Variants in PRR14 observed in about 807,000 individuals in gnomAD.
PRR14 encodes the protein proline rich 14.
PRR14 carries 33 observed loss-of-function variants against 57.2 expected under a neutral mutation model. That is an observed-to-expected ratio of 0.58 (90% CI 0.44 to 0.77). PRR14 has a LOEUF of 0.77. Ranked by LOEUF, PRR14 falls within the 30% of genes least tolerant of loss-of-function variation. PRR14 has a pLI of 0.00. For missense variants in PRR14, 716 were observed against 788.1 expected (o/e 0.91, Z 1.10); for synonymous variants, 303 against 314.7 (o/e 0.96, Z 0.39).
rs2052371455 is a variant in PRR14, at chr16:30,656,268, T to C, written c.1715T>C (p.Leu572Pro). Residue 572 changes from leucine (L) to proline (P), a missense_variant, in exon 12 of 12, where the codon CTG becomes CCG. Leu to Pro is a moderately conservative substitution (Grantham distance 98). Coordinates refer to ENST00000300835, the MANE Select transcript of PRR14 (RefSeq NM_024031.5). ...CTGGAGGAGCTAGATGCCTTGCTCCTGGAGGAAGAAACAGTAGATCGGGAG... is the reference window on the plus strand; with the variant it reads ...CTGGAGGAGCTAGATGCCTTGCTCCCGGAGGAAGAAACAGTAGATCGGGAG... ...QRLEELDALL[L>P]EEETVDREQP... 5.0e-6 allele frequency: 8 copies of C among 1,613,026 alleles called. No individual in the cohort carries two copies. The highest frequency in any genetic ancestry group is 6.8e-6 in the Non-Finnish European group (8 of 1,179,978).
At position 30,651,628 on chromosome 16, in the gene PRR14, G is replaced by A. The variant is rs1236298665; in HGVS notation, c.-18G>A. 8 of 1,256,670 alleles carry A rather than the reference G, an allele frequency of 6.4e-6. No homozygotes were observed. Among genetic ancestry groups the A allele is most frequent in the Non-Finnish European group, 6.2e-6 (6 of 962,898 alleles). 77.8% of individuals were successfully genotyped at this position (1,256,670 alleles called of 1,614,324 possible). Reference sequence around the variant, plus strand: ...CCTGGGATTCCCCAGGGACCCCCCCGGAGCCGCCGCGTCTCCCATGGACTT... The same window carrying A: ...CCTGGGATTCCCCAGGGACCCCCCCAGAGCCGCCGCGTCTCCCATGGACTT... On this transcript the variant is annotated 5_prime_UTR_variant, in exon 2 of 12. Coordinates refer to ENST00000300835, the MANE Select transcript of PRR14 (RefSeq NM_024031.5). This position sits in a 1 kb window ranked among gnomAD's most constrained non-coding sequence, Gnocchi z 5.0.
chr16:30,654,491 T>C, intron 7 of PRR14, 138 bp from the exon 8 acceptor site: 1 of 969,462 alleles, frequency 1.0e-6, no homozygotes, highest in Non-Finnish European at 1.6e-6. Flanking sequence ...TGTCAGAGGC[T>C]TGAAGTTCAA....
Position 30,655,489 on chromosome 16 carries a change from C to T in PRR14, c.1315-13C>T. ...CCCATGTCACTCTTTCACCCTCTGCCCCATTTTTGCAGACCATGGGAAAGG... is the reference window on the plus strand; with the variant it reads ...CCCATGTCACTCTTTCACCCTCTGCTCCATTTTTGCAGACCATGGGAAAGG... On this transcript the variant is annotated splice_polypyrimidine_tract_variant and intron_variant, in intron 9 of 11. Coordinates refer to ENST00000300835, the MANE Select transcript of PRR14 (RefSeq NM_024031.5). The surrounding 1 kb of genome is among the most constrained non-coding windows in gnomAD (Gnocchi z 4.6). 4 of 1,614,098 alleles carry T rather than the reference C, an allele frequency of 2.5e-6. No homozygotes were observed. Among genetic ancestry groups the T allele is most frequent in the Non-Finnish European group, 2.5e-6 (3 of 1,179,934 alleles).
In PRR14 at chr16:30,656,402, A is replaced by G. The variant is rs924171295; in HGVS notation, c.*91A>G. ...CTCTATATTTCTAGTAAAGTTTTCG[A>G]TATGTTTCTGATTCTTTTGTATCTC... On this transcript the variant is annotated 3_prime_UTR_variant, in exon 12 of 12. Coordinates refer to ENST00000300835, the MANE Select transcript of PRR14 (RefSeq NM_024031.5). The G allele has an allele frequency of 8.0e-7, 1 of 1,243,250 alleles. No individual in the cohort carries two copies. Among genetic ancestry groups the G allele is most frequent in the African/African-American group, 1.5e-5 (1 of 65,660 alleles). The allele number at this position is 1,243,250 out of a possible 1,614,324, so 77.0% of individuals were successfully genotyped here. A position where few individuals can be genotyped will look rare whatever the true frequency, so the allele number is the denominator to read the frequency against.
At chr16:30,652,425 C>A in intron 3 of PRR14, 1 of 565,386 alleles carries the variant, frequency 1.8e-6, no homozygotes, top group Non-Finnish European at 3.2e-6. Flanking sequence ...TTTGACTCCA[C>A]TGCACAGATA....
chr16:30,653,092 C>A lies in PRR14; in HGVS notation c.493C>A (p.Pro165Thr). 6.2e-7 allele frequency: 1 copy of A among 1,605,452 alleles called. No homozygotes were observed. Among genetic ancestry groups the A allele is most frequent in the South Asian group, 1.1e-5 (1 of 90,294 alleles). Residue 165 changes from proline (P) to threonine (T), a missense_variant, in exon 5 of 12, where the codon CCC becomes ACC. Physicochemically the swap from Pro to Thr is conservative, Grantham distance 38. Transcript: ENST00000300835. ...GCTGGAAGACATCGCCAGTCCTAGA[C>A]CCCCCGCTGAGGTATGGGAACTGAG... ...VMLEDIASPR[P>T]PAEGFIDETP...
Position 30,655,726 on chromosome 16 carries a change from G to C in PRR14, c.1406+133G>C. Reference sequence around the variant, plus strand: ...ATTCAATTCGGTGTGGGGATGGTTTGTGCTCAAAATTGCCTGTCTGCCTTA... The same window carrying C: ...ATTCAATTCGGTGTGGGGATGGTTTCTGCTCAAAATTGCCTGTCTGCCTTA... On this transcript the variant is annotated intron_variant, in intron 10 of 11. Transcript: ENST00000300835. This position sits in a 1 kb window ranked among gnomAD's most constrained non-coding sequence, Gnocchi z 4.6. 1 of 1,299,078 alleles carries C rather than the reference G, an allele frequency of 7.7e-7. No homozygotes were observed. The highest frequency in any genetic ancestry group is 1.1e-6 in the Non-Finnish European group (1 of 900,454). The allele number at this position is 1,299,078 out of a possible 1,614,324, so 80.5% of individuals were successfully genotyped here. A position where few individuals can be genotyped will look rare whatever the true frequency, so the allele number is the denominator to read the frequency against.
chr16:30,656,251 G>A lies in PRR14; in HGVS notation c.1698G>A (p.Glu566=), dbSNP rs771799463. ...CCCTGCTCCAGCAGCGGCTGGAGGA[G>A]CTAGATGCCTTGCTCCTGGAGGAAG... is the stretch of plus-strand genomic sequence containing the variant. The part of the protein sequence containing the change: ...VGPLLQQRLE[E]LDALLLEEET... Residue 566 remains glutamate, a synonymous_variant, in exon 12 of 12, where the codon GAG becomes GAA. Coordinates refer to ENST00000300835, the MANE Select transcript of PRR14 (RefSeq NM_024031.5). 19 of 1,613,250 alleles carry A rather than the reference G, an allele frequency of 1.2e-5. No individual in the cohort carries two copies. Among genetic ancestry groups the A allele is most frequent in the Non-Finnish European group, 1.6e-5 (19 of 1,179,998 alleles).
chr16:30,652,231 T>C (rs1415626502), intron 3 of PRR14: 1 of 614,464 alleles, frequency 1.6e-6, no homozygotes, highest in African/African-American at 1.9e-5. Context: ...TTTTTTTCTA[T>C]CTTTTTTTTT....
At chr16:30,652,034 C>A in intron 3 of PRR14, 70 bp downstream of exon 3, 1 of 1,461,574 alleles carries the variant, frequency 6.8e-7, no homozygotes, top group Non-Finnish European at 9.2e-7. Flanking sequence ...CGGGCCAGAT[C>A]CCTACTGAGG....
chr16:30,654,384 C>CA, intron 7 of PRR14, 45 bp downstream of exon 7: 1 of 1,487,762 alleles, frequency 6.7e-7, no homozygotes, highest in East Asian at 2.3e-5. Context: ...GTGTCTGGGA[C>CA]ATCCTAGTTG....
chr16:30,653,403 A>G lies in PRR14; in HGVS notation c.543A>G (p.Ala181=). Residue 181 remains alanine, a synonymous_variant, in exon 6 of 12, where the codon GCA becomes GCG. Coordinates refer to ENST00000300835, the MANE Select transcript of PRR14 (RefSeq NM_024031.5). The stretch of plus-strand genomic sequence containing the variant: ...AGACCCCCAACTTCATCATCCCAGC[A>G]CAAAGGTGAGAGGGCTGGAGTAGGG... ...IDETPNFIIP[A]QRAEPMRIVR... is the part of the protein sequence containing the mutation. The G allele has an allele frequency of 6.2e-7, 1 of 1,613,740 alleles. No homozygotes were observed. Among genetic ancestry groups the G allele is most frequent in the Non-Finnish European group, 8.5e-7 (1 of 1,179,848 alleles).
Position 30,652,723 on chromosome 16 carries a change from C to T in PRR14, c.195C>T (p.Val65=), listed in dbSNP as rs2052325379. Residue 65 remains valine (V), a splice_region_variant and synonymous_variant, in exon 4 of 12, where the codon GTC becomes GTT. Transcript: ENST00000300835. ...VLEDVMAVHM[V]PVVPSKQTSI... ...CTTGACACCTCTTTCTCTTCCAGGT[C>T]CCCGTGGTGCCCTCAAAGCAGACCT... 1.9e-6 allele frequency: 3 copies of T among 1,614,182 alleles called. No homozygotes were observed. The highest frequency in any genetic ancestry group is 1.1e-5 in the South Asian group (1 of 91,088).
At chr16:30,650,818 T>C (rs1168564716), upstream of PRR14, 3 of 312,294 alleles carry the variant, frequency 9.6e-6, no homozygotes, top group Non-Finnish European at 2.0e-5. Flanking sequence ...TGAGCAGCCC[T>C]TGGGGGAGGG....
chr16:30,654,339 G>A lies in PRR14; in HGVS notation c.658G>A (p.Ala220Thr). The A allele has an allele frequency of 6.2e-7, 1 of 1,609,972 alleles. No individual in the cohort carries two copies. The highest frequency in any genetic ancestry group is 8.5e-7 in the Non-Finnish European group (1 of 1,176,204). The part of the protein sequence containing the change: ...PADPLESPPT[A>T]PDPALELPST... ...AGACCCTCTGGAGAGCCCACCAACAGGTAAGGACTTGGGTAGAGATCGGAT... is the reference window on the plus strand; with the variant it reads ...AGACCCTCTGGAGAGCCCACCAACAAGTAAGGACTTGGGTAGAGATCGGAT... The change falls in exon 7 of 12, where the codon GCC (alanine) becomes ACC (threonine). Residue 220 changes from alanine (A) to threonine (T), a missense_variant and splice_region_variant. By Grantham distance (58) the Ala-to-Thr change is moderately conservative. Transcript: ENST00000300835.
At chr16:30,653,198 G>C (rs1400855110) in intron 5 of PRR14, 95 bp downstream of exon 5, 22 of 1,417,650 alleles carry the variant, frequency 1.6e-5, no homozygotes, top group Non-Finnish European at 2.0e-5. Context: ...GTTTTTCTTG[G>C]GGTGAGGAGG....
upstream of PRR14, chr16:30,650,865 G>A (rs917253267): frequency 3.1e-5 from 11 of 359,654 alleles, no homozygotes; most frequent in Admixed American, 3.2e-4. Flanking sequence ...AGTGGGGGCG[G>A]GGAAGGAAAC....
chr16:30,652,942 G>C lies in PRR14; in HGVS notation c.343G>C (p.Glu115Gln), dbSNP rs370691918. The C allele has an allele frequency of 6.2e-7, 1 of 1,614,016 alleles. No individual in the cohort carries two copies. Among genetic ancestry groups the C allele is most frequent in the African/African-American group, 1.3e-5 (1 of 75,028 alleles). The change falls in exon 5 of 12, where the codon GAG (glutamate) becomes CAG (glutamine). Residue 115 changes from glutamate (E) to glutamine (Q), a missense_variant. Transcript: ENST00000300835. ...TCCCGACCCTCTGTGTTTGTGTCGCGAGCCCTTGAGCCGCATCCACCGGAC... is the reference window on the plus strand; with the variant it reads ...TCCCGACCCTCTGTGTTTGTGTCGCCAGCCCTTGAGCCGCATCCACCGGAC... Reference protein sequence around the residue: ...RPPDPLCLCREPLSRIHRTSS... With the variant: ...RPPDPLCLCRQPLSRIHRTSS...
chr16:30,652,227 TC>T (rs1166398209), intron 3 of PRR14: 1 of 637,900 alleles, frequency 1.6e-6, no homozygotes, highest in African/African-American at 1.8e-5. Context: ...CTTCTTTTTT[TC>T]TATCTTTTTT....
Sources: allele counts gnomAD v4.1 joint callset, GRCh38; gene constraint gnomAD v4.1.1; non-coding constraint Gnocchi (gnomAD v3.1); transcripts MANE v1.5; gene names NCBI Gene and HGNC (gene_info 2026-07-23, HGNC 2026-07-21).